HIP1: variants seen among roughly 807,000 people sequenced by gnomAD.
The protein encoded by HIP1 is huntingtin interacting protein 1.
HIP1 carries 65 observed loss-of-function variants against 147.6 expected under a neutral mutation model. The ratio of observed to expected loss-of-function variants is 0.44; its 90% CI spans 0.36 to 0.54. The LOEUF is 0.54. Among genes scored for constraint, HIP1 ranks in the 20% least tolerant of loss-of-function variants. The pLI is 0.00. For synonymous variants in HIP1, 479 were observed against 504.0 expected (o/e 0.95, Z 0.67); for missense variants, 1,061 against 1,299.6 (o/e 0.82, Z 2.82).
At chr7:75,719,759 G>T (rs1335698775) in intron 1 of HIP1, among the ~76,000 whole-genome samples, 2 of 152,106 alleles carry the variant, frequency 1.3e-5, no homozygotes, top group Non-Finnish European at 2.9e-5. Flanking sequence ...AATGGATTCA[G>T]ATTGACCCAT....
intron 9 of HIP1, among the ~76,000 whole-genome samples, chr7:75,563,984 C>T (rs1795320773): frequency 6.6e-6 from 1 of 152,122 alleles, no homozygotes; most frequent in Non-Finnish European, 1.5e-5. Flanking sequence ...CCTTGAATTC[C>T]TGGGCTCAAG....
intron 7 of HIP1, among the ~76,000 whole-genome samples, chr7:75,576,729 A>G (rs1247104599): frequency 6.6e-6 from 1 of 152,114 alleles, no homozygotes; most frequent in Non-Finnish European, 1.5e-5. Context: ...AAAACAAAAA[A>G]AACGCCCCAG....
Position 75,682,045 on chromosome 7 carries a change from T to G in HIP1, c.120+56756A>C, listed in dbSNP as rs1270250229. Reference sequence around the variant, plus strand: ...TTTTTTTTTTTTTTTTTTTTTTTTTTTGAGGCAGAGTCTTGCTCTGTCACC... The same window carrying G: ...TTTTTTTTTTTTTTTTTTTTTTTTTGTGAGGCAGAGTCTTGCTCTGTCACC... On this transcript the variant is annotated intron_variant, in intron 1 of 30. Coordinates refer to ENST00000336926, the MANE Select transcript of HIP1 (RefSeq NM_005338.7). Among the ~76,000 whole-genome samples the G allele has an allele frequency of 1.4e-4, 9 of 66,204 alleles. No homozygotes were observed. In the Admixed American group the frequency reaches 1.6e-3, roughly 12 times the overall value. The allele number at this position is 66,204 out of a possible 152,430, so 43.4% of individuals were successfully genotyped here.
intron 1 of HIP1, among the ~76,000 whole-genome samples, chr7:75,646,549 A>G (rs1798809923): frequency 6.6e-6 from 1 of 152,176 alleles, no homozygotes. Flanking sequence ...GGACACTGAG[A>G]TAGAGAGACA....
At chr7:75,654,579 G>A (rs1448225722) in intron 1 of HIP1, 1 of 152,226 alleles carries the variant, frequency 6.6e-6, no homozygotes, top group Non-Finnish European at 1.5e-5. Context: ...CAGAGGCTGG[G>A]TTCTGTGCTC....
At chr7:75,726,421 C>T (rs1235115023) in intron 1 of HIP1, among the ~76,000 whole-genome samples, 1 of 151,982 alleles carries the variant, frequency 6.6e-6, no homozygotes, top group Non-Finnish European at 1.5e-5. Context: ...GTAGCTGGGA[C>T]TACAGGCACA....
At chr7:75,695,861 C>T (rs1224280798) in intron 1 of HIP1, among the ~76,000 whole-genome samples, 6 of 152,002 alleles carry the variant, frequency 3.9e-5, no homozygotes, top group African/African-American at 1.4e-4. Context: ...AGGCATGAGC[C>T]ACCGTGCCTG....
intron 1 of HIP1, among the ~76,000 whole-genome samples, chr7:75,674,548 A>G (rs1161068590): frequency 1.3e-5 from 2 of 148,982 alleles, no homozygotes; most frequent in Admixed American, 6.8e-5. Context: ...GCTGTAGTGC[A>G]GTGGCACAAT....
chr7:75,588,729 G>A (rs1445103301), intron 4 of HIP1, among the ~76,000 whole-genome samples: 4 of 151,978 alleles, frequency 2.6e-5, no homozygotes, highest in Admixed American at 6.6e-5. Context: ...AGCCATGATC[G>A]CGCCACTGCA....
At chr7:75,655,693 A>G (rs1249260720) in intron 1 of HIP1, among the ~76,000 whole-genome samples, 1 of 152,218 alleles carries the variant, frequency 6.6e-6, no homozygotes, top group East Asian at 1.9e-4. Context: ...TAGAATAAGC[A>G]AAGTCATGTC....
chr7:75,642,204 C>G (rs918372064), intron 1 of HIP1, among the ~76,000 whole-genome samples: 6 of 152,006 alleles, frequency 3.9e-5, no homozygotes, highest in Non-Finnish European at 5.9e-5. Flanking sequence ...TCTAGACCAG[C>G]CTGGGTAACA....
intron 1 of HIP1, among the ~76,000 whole-genome samples, chr7:75,648,270 T>C (rs1313806595): frequency 6.6e-6 from 1 of 151,832 alleles, no homozygotes; most frequent in Non-Finnish European, 1.5e-5. Context: ...TAGTTGGGGC[T>C]GGTTGGAGTA....
chr7:75,723,628 G>A (rs1451866205), intron 1 of HIP1, among the ~76,000 whole-genome samples: 3 of 151,926 alleles, frequency 2.0e-5, no homozygotes, highest in Non-Finnish European at 4.4e-5. Flanking sequence ...GCCTCCCTCT[G>A]GTCCTCCCAC....
chr7:75,591,097 A>G (rs1796486442), intron 4 of HIP1, among the ~76,000 whole-genome samples: 1 of 151,806 alleles, frequency 6.6e-6, no homozygotes, highest in Non-Finnish European at 1.5e-5. Flanking sequence ...CAGTGGCCCA[A>G]TCTTGGCTCA....
Position 75,638,408 on chromosome 7 carries a change from G to C in HIP1, c.121-39161C>G, listed in dbSNP as rs1358976664. 3.3e-5 allele frequency among the ~76,000 whole-genome samples: 5 copies of C among 151,994 alleles called. No homozygotes were observed. The East Asian group carries it at 9.7e-4, about 30-fold the overall frequency. ...GAGGTGGGGGTGGAGGGCTTCTCTGGGGGAGGGCACAGACCCCTCCAGAGG... is the reference window on the plus strand; with the variant it reads ...GAGGTGGGGGTGGAGGGCTTCTCTGCGGGAGGGCACAGACCCCTCCAGAGG... On this transcript the variant is annotated intron_variant, in intron 1 of 30. Coordinates refer to ENST00000336926, the MANE Select transcript of HIP1 (RefSeq NM_005338.7).
chr7:75,607,243 T>G (rs1313693496), intron 1 of HIP1, among the ~76,000 whole-genome samples: 2 of 148,938 alleles, frequency 1.3e-5, no homozygotes, highest in Non-Finnish European at 3.0e-5. Flanking sequence ...GTTTTTTTTT[T>G]TTTTGAGACA....
intron 1 of HIP1, among the ~76,000 whole-genome samples, chr7:75,647,700 G>C (rs1460491481): frequency 1.3e-5 from 2 of 152,260 alleles, no homozygotes; most frequent in Non-Finnish European, 2.9e-5. Context: ...CCAAGGCCCT[G>C]CTGGCCCTGG....
chr7:75,665,339 T>A (rs782650985), intron 1 of HIP1, among the ~76,000 whole-genome samples: 31 of 152,056 alleles, frequency 2.0e-4, no homozygotes, highest in Non-Finnish European at 2.9e-4. Flanking sequence ...CTGATAAATT[T>A]GATTTTCTGT....
At chr7:75,591,935 A>G in intron 4 of HIP1, 121 bp downstream of exon 4, 1 of 835,128 alleles carries the variant, frequency 1.2e-6, no homozygotes, top group Non-Finnish European at 2.1e-6. Flanking sequence ...TCTGGCACCC[A>G]TGGGAGAAAT....
Sources: allele counts gnomAD v4.1 joint callset (sites outside exome capture counted in the v4.1 genomes callset), GRCh38; gene constraint gnomAD v4.1.1; transcripts MANE v1.5; gene names NCBI Gene and HGNC (gene_info 2026-07-23, HGNC 2026-07-21).